The following THRA variants were observed in gnomAD, a reference collection of about 807,000 sequenced individuals.
THRA encodes the protein EAR-7.
THRA carries 13 observed loss-of-function variants against 45.0 expected under a neutral mutation model. That is an observed-to-expected ratio of 0.29 (90% CI 0.19 to 0.46). THRA has a LOEUF of 0.46. Ranked by LOEUF, THRA falls within the 20% of genes least tolerant of loss-of-function variation. The pLI is 1.00. For synonymous variants in THRA, 195 were observed against 214.0 expected (o/e 0.91, Z 0.78); for missense variants, 278 against 556.1 (o/e 0.50, Z 5.03).
intron 4 of THRA, among the ~76,000 whole-genome samples, chr17:40,079,575 T>C (rs966095866): frequency 3.3e-5 from 5 of 151,892 alleles, no homozygotes; most frequent in African/African-American, 1.2e-4. Flanking sequence ...CAGGATCACC[T>C]CCTAAAAATG....
At chr17:40,082,694 C>T (rs1053257462) in intron 4 of THRA, among the ~76,000 whole-genome samples, 3 of 150,338 alleles carry the variant, frequency 2.0e-5, no homozygotes, top group Non-Finnish European at 4.4e-5. Flanking sequence ...TCCACCGCGG[C>T]TCAAACCTAG....
At chr17:40,069,194 T>A (rs1251361226) in intron 1 of THRA, among the ~76,000 whole-genome samples, 3 of 140,432 alleles carry the variant, frequency 2.1e-5, no homozygotes, top group East Asian at 4.6e-4. Context: ...TCTCTCTCTC[T>A]CACACACACA....
chr17:40,074,466 C>T lies in THRA; in HGVS notation c.-23C>T, dbSNP rs746904733. ...CCCAGTCTCTTGGCGTGCTGGAGGGCATCCTGGATGGAATTGAAGTGAATG... is the reference window on the plus strand; with the variant it reads ...CCCAGTCTCTTGGCGTGCTGGAGGGTATCCTGGATGGAATTGAAGTGAATG... On this transcript the variant is annotated 5_prime_UTR_variant, in exon 2 of 9. Transcript: ENST00000450525. 1 of 1,613,954 alleles carries T rather than the reference C, an allele frequency of 6.2e-7. No individual in the cohort carries two copies. Among genetic ancestry groups the T allele is most frequent in the Non-Finnish European group, 8.5e-7 (1 of 1,179,892 alleles).
At position 40,084,496 on chromosome 17, in the gene THRA, C is replaced by T. The variant is rs1028872696; in HGVS notation, c.371-114C>T. The stretch of plus-strand genomic sequence containing the variant: ...TAGGTGATTTGGGAAGTCATTTAGC[C>T]TCCATGGCCCTCGGTTTCTCCAACC... On this transcript the variant is annotated intron_variant, in intron 5 of 8. Transcript: ENST00000450525. 1.2e-5 allele frequency: 15 copies of T among 1,209,252 alleles called. No individual in the cohort carries two copies. The African/African-American group carries it at 1.8e-4, about 15-fold the overall frequency. The allele number at this position is 1,209,252 out of a possible 1,614,324, so 74.9% of individuals were successfully genotyped here.
chr17:40,086,008 A>C lies in THRA; in HGVS notation c.577-699A>C, dbSNP rs543976601. On this transcript the variant is annotated intron_variant, in intron 6 of 8. Transcript: ENST00000450525. ...GTGCCTGTGGTCCCAGCTACTCGGG[A>C]GGCTGAGGCAGGAGGATCCCCTAAG... 1.1e-4 allele frequency among the ~76,000 whole-genome samples: 16 copies of C among 152,236 alleles called. No homozygotes were observed. The East Asian group carries it at 3.1e-3, about 29-fold the overall frequency.
Position 40,084,669 on chromosome 17 carries a change from C to T in THRA, c.430C>T (p.Arg144Trp), listed in dbSNP as rs1314797277. Residue 144 changes from arginine (R) to tryptophan (W), a missense_variant, in exon 6 of 9, where the codon CGG becomes TGG. Around this residue, in one of 6 missense-constraint regions of THRA, gnomAD observed 111 missense variants for 167.1 expected, o/e 0.66. Transcript: ENST00000450525. ...TAAGCTGATTGAGCAGAACCGGGAG[C>T]GGCGGCGGAAGGAGGAGATGATCCG... ...KRKLIEQNRE[R>W]RRKEEMIRSL... The T allele has an allele frequency of 4.3e-6, 7 of 1,613,894 alleles. No homozygotes were observed. The highest frequency in any genetic ancestry group is 2.2e-5 in the East Asian group (1 of 44,870).
chr17:40,062,944 C>G (rs1183021963), upstream of THRA: 1 of 150,024 alleles, frequency 6.7e-6, no homozygotes, highest in South Asian at 2.1e-4. Context: ...GCCACACTCG[C>G]CCCCCGCCCC....
intron 2 of THRA, among the ~76,000 whole-genome samples, chr17:40,076,153 ACT>A (rs1216165126): frequency 1.3e-5 from 2 of 152,040 alleles, no homozygotes; most frequent in African/African-American, 4.8e-5. Context: ...CCCGGCTCTG[ACT>A]CTAGCTCATG....
At chr17:40,083,723 A>G in intron 4 of THRA, 112 bp from the exon 5 acceptor site, 2 of 1,390,968 alleles carry the variant, frequency 1.4e-6, no homozygotes, top group Non-Finnish European at 1.9e-6. Flanking sequence ...AGGTCCCCTC[A>G]CTGATCTTGC....
intron 1 of THRA, among the ~76,000 whole-genome samples, chr17:40,067,735 C>T (rs747567522): frequency 3.3e-5 from 5 of 152,158 alleles, no homozygotes; most frequent in South Asian, 2.1e-4. Context: ...CTCTAGTTCT[C>T]GGCTGGGCAC....
intron 4 of THRA, among the ~76,000 whole-genome samples, chr17:40,079,733 G>A (rs1987074286): frequency 6.6e-6 from 1 of 152,138 alleles, no homozygotes; most frequent in South Asian, 2.1e-4. Context: ...AGTGCTATAA[G>A]GTAGATAAAA....
intron 1 of THRA, among the ~76,000 whole-genome samples, chr17:40,071,578 C>T (rs1391681106): frequency 1.3e-5 from 2 of 152,264 alleles, no homozygotes; most frequent in Non-Finnish European, 2.9e-5. Context: ...GCTGTCCAGC[C>T]TGGGCACAGA....
downstream of THRA, chr17:40,093,726 C>T: frequency 1.6e-6 from 1 of 640,168 alleles, no homozygotes; most frequent in East Asian, 2.7e-5. This position sits in a 1 kb window ranked among gnomAD's most constrained non-coding sequence, Gnocchi z 5.9. Context: ...TCTACTGTGA[C>T]ACTTATCTCA....
intron 6 of THRA, 95 bp downstream of exon 6, chr17:40,084,910 T>C: frequency 7.1e-7 from 1 of 1,412,448 alleles, no homozygotes; most frequent in Non-Finnish European, 9.7e-7. Flanking sequence ...GTCTTCTTAG[T>C]GTAATCCAAC....
At position 40,089,212 on chromosome 17, in the gene THRA, C is replaced by T. The variant is rs377008025; in HGVS notation, c.989C>T (p.Ser330Leu). 1.5e-5 allele frequency: 25 copies of T among 1,613,722 alleles called. No homozygotes were observed. The highest frequency in any genetic ancestry group is 5.3e-5 in the African/African-American group (4 of 74,856). ...QAVLLMSTDR[S>L]GLLCVDKIEK... is the part of the protein sequence containing the mutation. ...CGCCCCTCTTCCCTCACAGACCGCT[C>T]GGGCCTGCTGTGTGTGGACAAGATC... The change falls in exon 9 of 9, where the codon TCG (serine) becomes TTG (leucine). Residue 330 changes from serine (S) to leucine (L), a missense_variant. This residue lies in a region of THRA where 66 missense variants were observed against 94.7 expected (regional missense o/e 0.70). Coordinates refer to ENST00000450525, the MANE Select transcript of THRA (RefSeq NM_199334.5). This position sits in a 1 kb window ranked among gnomAD's most constrained non-coding sequence, Gnocchi z 6.1.
intron 1 of THRA, among the ~76,000 whole-genome samples, chr17:40,073,688 C>T (rs1301121182): frequency 6.6e-6 from 1 of 152,146 alleles, no homozygotes; most frequent in Non-Finnish European, 1.5e-5. Context: ...CTACAGCTTT[C>T]AACATCTCTC....
downstream of THRA, chr17:40,093,496 T>G: frequency 7.0e-7 from 1 of 1,436,728 alleles, no homozygotes; most frequent in Non-Finnish European, 9.2e-7. This position sits in a 1 kb window ranked among gnomAD's most constrained non-coding sequence, Gnocchi z 5.9. Context: ...GCAGGGCTGG[T>G]CACCTCCCAT....
chr17:40,065,410 G>A (rs1429186113), intron 1 of THRA, among the ~76,000 whole-genome samples: 1 of 152,112 alleles, frequency 6.6e-6, no homozygotes, highest in Non-Finnish European at 1.5e-5. Flanking sequence ...CTGTGTGAGT[G>A]ATATGTACTT....
chr17:40,093,622 TCTTA>T (rs761218751), downstream of THRA: 5 of 695,744 alleles, frequency 7.2e-6, no homozygotes, highest in African/African-American at 1.8e-5. This position sits in a 1 kb window ranked among gnomAD's most constrained non-coding sequence, Gnocchi z 5.9. Flanking sequence ...CCTGGCAACA[TCTTA>T]CTTGTCCTTT....
Sources: gnomAD v4.1 joint callset for allele counts (sites outside exome capture counted in the v4.1 genomes callset) on GRCh38, gnomAD v4.1.1 for gene constraint, gnomAD v4.1.1 regional missense constraint, Gnocchi (gnomAD v3.1) non-coding constraint, MANE v1.5 for transcripts, NCBI Gene and HGNC (gene_info 2026-07-23, HGNC 2026-07-21) for gene names.